Variants in RIPK1 observed in about 807,000 individuals in gnomAD.
RIPK1 encodes receptor interacting serine/threonine kinase 1.
Under a neutral mutation model 62.4 loss-of-function variants are expected in RIPK1, and 27 were observed. That is an observed-to-expected ratio of 0.43 (90% CI 0.32 to 0.60). The LOEUF (loss-of-function observed/expected upper bound fraction) is 0.60, where lower values mean the gene tolerates loss of function less well. Ranked by LOEUF, RIPK1 falls within the 20% of genes least tolerant of loss-of-function variation. RIPK1 has a pLI of 0.07. For missense variants in RIPK1, 735 were observed against 831.0 expected, an observed-to-expected ratio of 0.88 and a Z score of 1.42; for synonymous variants, 287 against 303.2, an observed-to-expected ratio of 0.95 and a Z score of 0.55.
chr6:3,113,672 A>G lies in RIPK1; in HGVS notation c.*333A>G, dbSNP rs554114012. On this transcript the variant is annotated 3_prime_UTR_variant, in exon 11 of 11. Transcript: ENST00000259808. The surrounding 1 kb of genome is among the most constrained non-coding windows in gnomAD (Gnocchi z 5.0). ...GTAAGCAGGAAGACCTCTTAATGGCATAGCACCAATAAAAAAATGACTCCT... is the reference window on the plus strand; with the variant it reads ...GTAAGCAGGAAGACCTCTTAATGGCGTAGCACCAATAAAAAAATGACTCCT... 2.7e-4 allele frequency: 56 copies of G among 210,238 alleles called. No individual in the cohort carries two copies. The highest frequency in any genetic ancestry group is 1.3e-3 in the African/African-American group (56 of 44,252). 13.0% of individuals were successfully genotyped at this position (210,238 alleles called of 1,614,324 possible). A position where few individuals can be genotyped will look rare whatever the true frequency, so the allele number is the denominator to read the frequency against.
intron 7 of RIPK1, among the ~76,000 whole-genome samples, chr6:3,100,261 T>TAATACAAAAA (rs1760525774): frequency 6.6e-6 from 1 of 151,720 alleles, no homozygotes; most frequent in Admixed American, 6.6e-5. Flanking sequence ...TCTCTACTAA[T>TAATACAAAAA]AATACAAAAA....
At chr6:3,100,251 T>G (rs530321787) in intron 7 of RIPK1, among the ~76,000 whole-genome samples, 18 of 151,968 alleles carry the variant, frequency 1.2e-4, no homozygotes, top group Admixed American at 1.0e-3. Flanking sequence ...TAAAACCCCG[T>G]CTCTACTAAT....
chr6:3,067,236 A>G (rs1758421759), upstream of RIPK1, among the ~76,000 whole-genome samples: 1 of 152,046 alleles, frequency 6.6e-6, no homozygotes. Context: ...TTGTATGGGC[A>G]TAAGCTTTCA....
At chr6:3,082,040 A>G (rs2113601931) in intron 4 of RIPK1, among the ~76,000 whole-genome samples, 1 of 152,256 alleles carries the variant, frequency 6.6e-6, no homozygotes, top group Middle Eastern at 3.4e-3. Context: ...AACAAGGGAA[A>G]GGGATTTTTC....
At position 3,105,867 on chromosome 6, in the gene RIPK1, G is replaced by T; in HGVS notation, c.1392G>T (p.Gln464His). Residue 464 changes from glutamine to histidine, a missense_variant, in exon 9 of 11, where the codon CAG becomes CAT. This residue lies in a region of RIPK1 where 671 missense variants were observed against 726.2 expected (regional missense o/e 0.92). Transcript: ENST00000259808. The surrounding 1 kb of genome is among the most constrained non-coding windows in gnomAD (Gnocchi z 4.5). Reference sequence around the variant, plus strand: ...CCAGCCAACCTCAAGTACTGTATCAGAACAATGGATTATATAGCTCACATG... The same window carrying T: ...CCAGCCAACCTCAAGTACTGTATCATAACAATGGATTATATAGCTCACATG... ...GLTSQPQVLY[Q>H]NNGLYSSHGF... 1 of 1,614,144 alleles carries T rather than the reference G, an allele frequency of 6.2e-7. No homozygotes were observed. Among genetic ancestry groups the T allele is most frequent in the East Asian group, 2.2e-5 (1 of 44,882 alleles).
chr6:3,085,535 A>G, intron 6 of RIPK1, 127 bp downstream of exon 6: 1 of 946,320 alleles, frequency 1.1e-6, no homozygotes, highest in Non-Finnish European at 1.6e-6. Flanking sequence ...TTTTAAACTG[A>G]TTTTCTAGAT....
intron 1 of RIPK1, among the ~76,000 whole-genome samples, chr6:3,073,317 C>CT (rs917201851): frequency 1.3e-5 from 2 of 150,768 alleles, no homozygotes; most frequent in African/African-American, 2.4e-5. Flanking sequence ...TGAACGTATA[C>CT]TTTTTTTTTC....
chr6:3,083,360 G>A lies in RIPK1; in HGVS notation c.688+47G>A, dbSNP rs369485076. On this transcript the variant is annotated intron_variant, in intron 5 of 10. Transcript: ENST00000259808. The stretch of plus-strand genomic sequence containing the variant: ...ACTGCCGTCCCCTCAGCATCTACAC[G>A]CACTGTGCCTGGAACTAATAGGTGC... 817 of 1,499,140 alleles carry A rather than the reference G, an allele frequency of 5.4e-4. 1 individual carries two copies. Among genetic ancestry groups the A allele is most frequent in the Non-Finnish European group, 6.6e-4 (731 of 1,102,450 alleles). The allele number at this position is 1,499,140 out of a possible 1,614,324, so 92.9% of individuals were successfully genotyped here.
chr6:3,073,706 A>G (rs1758889998), intron 1 of RIPK1, among the ~76,000 whole-genome samples: 1 of 152,166 alleles, frequency 6.6e-6, no homozygotes, highest in Non-Finnish European at 1.5e-5. Flanking sequence ...CAGCCTTTAG[A>G]TGAGGTGTAG....
chr6:3,073,725 T>C (rs1274200884), intron 1 of RIPK1, among the ~76,000 whole-genome samples: 1 of 151,954 alleles, frequency 6.6e-6, no homozygotes, highest in Non-Finnish European at 1.5e-5. Flanking sequence ...AGAAGGCTGG[T>C]TACCCGGGTC....
rs755149439 is a variant in RIPK1, at chr6:3,083,242, C to T, written c.617C>T (p.Thr206Ile). The T allele has an allele frequency of 1.3e-5, 21 of 1,613,864 alleles. No homozygotes were observed. The highest frequency in any genetic ancestry group is 1.7e-5 in the Non-Finnish European group (20 of 1,180,024). Residue 206 changes from threonine to isoleucine, a missense_variant, in exon 5 of 11, where the codon ACA becomes ATA. Transcript: ENST00000259808. ...CTGAATGACGTCAACGCAAAGCCCACAGAGAAGTCGGATGTGTACAGCTTT... is the reference window on the plus strand; with the variant it reads ...CTGAATGACGTCAACGCAAAGCCCATAGAGAAGTCGGATGTGTACAGCTTT... ...EHLNDVNAKP[T>I]EKSDVYSFAV...
upstream of RIPK1, among the ~76,000 whole-genome samples, chr6:3,065,409 T>C (rs562765555): frequency 7.7e-4 from 115 of 149,450 alleles, no homozygotes; most frequent in African/African-American, 2.9e-3. Flanking sequence ...ACAGATGAGG[T>C]GTCCCGACAG....
chr6:3,112,202 G>A (rs1761196643), intron 10 of RIPK1, among the ~76,000 whole-genome samples: 1 of 152,132 alleles, frequency 6.6e-6, no homozygotes, highest in Admixed American at 6.5e-5. Flanking sequence ...TAGTTACCTC[G>A]TCGCTTGAAA....
intron 3 of RIPK1, among the ~76,000 whole-genome samples, chr6:3,079,373 C>T (rs1005438900): frequency 6.6e-6 from 1 of 152,200 alleles, no homozygotes; most frequent in African/African-American, 2.4e-5. Context: ...CCACCGTTCC[C>T]AGCTGATGGT....
At chr6:3,101,601 C>A (rs1468154288) in intron 7 of RIPK1, among the ~76,000 whole-genome samples, 1 of 151,596 alleles carries the variant, frequency 6.6e-6, no homozygotes, top group Non-Finnish European at 1.5e-5. Flanking sequence ...AGCAGACAAT[C>A]GTTAACAGCA....
intron 10 of RIPK1, 149 bp from the exon 11 acceptor site, chr6:3,112,904 C>T (rs1761237549): frequency 1.8e-6 from 1 of 567,442 alleles, no homozygotes; most frequent in Non-Finnish European, 3.0e-6. Flanking sequence ...AAATGTCTGC[C>T]AGTGCATCAA....
chr6:3,110,477 G>A (rs1761100537), intron 9 of RIPK1, among the ~76,000 whole-genome samples: 1 of 151,924 alleles, frequency 6.6e-6, no homozygotes, highest in African/African-American at 2.4e-5. Flanking sequence ...CAAAGTGCTG[G>A]GATTACAGGT....
chr6:3,085,865 A>C (rs922255158), intron 6 of RIPK1, among the ~76,000 whole-genome samples: 1 of 152,146 alleles, frequency 6.6e-6, no homozygotes, highest in African/African-American at 2.4e-5. Context: ...TGTCTGGCTT[A>C]CTCCACTTGG....
At chr6:3,064,235 C>A (rs1758280860), upstream of RIPK1, among the ~76,000 whole-genome samples, 1 of 151,974 alleles carries the variant, frequency 6.6e-6, no homozygotes, top group Admixed American at 6.5e-5. Context: ...TCCCCTGCAG[C>A]GCGCAGCCGG....
Sources: gnomAD v4.1 joint callset for allele counts (sites outside exome capture counted in the v4.1 genomes callset) on GRCh38, gnomAD v4.1.1 for gene constraint, gnomAD v4.1.1 regional missense constraint, Gnocchi (gnomAD v3.1) non-coding constraint, MANE v1.5 for transcripts, NCBI Gene and HGNC (gene_info 2026-07-23, HGNC 2026-07-21) for gene names.